The following RARB variants were observed in gnomAD, a reference collection of about 807,000 sequenced individuals.
The protein encoded by RARB is HBV-activated protein.
Under a neutral mutation model 51.9 loss-of-function variants are expected in RARB, and 17 were observed. The ratio of observed to expected loss-of-function variants is 0.33; its 90% CI spans 0.22 to 0.49. RARB has a LOEUF of 0.49. Among genes scored for constraint, RARB ranks in the 20% least tolerant of loss-of-function variants. The pLI is 0.99. For missense variants in RARB, 369 were observed against 550.8 expected (o/e 0.67, Z 3.30); for synonymous variants, 215 against 195.4 (o/e 1.10, Z -0.84).
intron 4 of RARB, among the ~76,000 whole-genome samples, chr3:25,575,183 A>G (rs1387890862): frequency 2.0e-5 from 3 of 152,156 alleles, no homozygotes; most frequent in Admixed American, 2.0e-4. Flanking sequence ...AGTAGGGTTC[A>G]TGTTCCTATG....
At chr3:25,191,933 G>A (rs1701113946) in intron 5 of RARB, among the ~76,000 whole-genome samples, 1 of 152,112 alleles carries the variant, frequency 6.6e-6, no homozygotes, top group African/African-American at 2.4e-5. Context: ...AGACGAGGCG[G>A]GGGTGTGGAG....
chr3:25,271,468 A>C (rs1207299483), intron 5 of RARB, among the ~76,000 whole-genome samples: 2 of 152,202 alleles, frequency 1.3e-5, no homozygotes, highest in Non-Finnish European at 2.9e-5. Context: ...CCTTGGCCAA[A>C]GGCATCTACA....
rs1242202691 is a variant in RARB, at chr3:25,428,415, GT to G, written c.-316del. 2.1e-5 allele frequency: 27 copies of G among 1,273,434 alleles called. No individual in the cohort carries two copies. The highest frequency in any genetic ancestry group is 2.6e-5 in the Non-Finnish European group (26 of 1,011,990). The allele number at this position is 1,273,434 out of a possible 1,614,324, so 78.9% of individuals were successfully genotyped here. A position where few individuals can be genotyped will look rare whatever the true frequency, so the allele number is the denominator to read the frequency against. On this transcript the variant is annotated 5_prime_UTR_variant, in exon 1 of 8. It removes the in-frame stop codon of an upstream open reading frame in the 5' UTR. Coordinates refer to ENST00000330688, the MANE Select transcript of RARB (RefSeq NM_000965.5). Reference sequence around the variant, plus strand: ...CAGGGTTTGTCTGGGCACCGTCGGGGTAGGATCCGGAACGCATTCGGAAGGC... The same window carrying G: ...CAGGGTTTGTCTGGGCACCGTCGGGGAGGATCCGGAACGCATTCGGAAGGC...
chr3:25,072,574 A>G (rs1698789183), intron 3 of RARB, among the ~76,000 whole-genome samples: 1 of 152,212 alleles, frequency 6.6e-6, no homozygotes, highest in African/African-American at 2.4e-5. Context: ...GGGTTTTCAG[A>G]TACAAAGAAT....
chr3:25,585,633 C>T (rs545331629), intron 5 of RARB, among the ~76,000 whole-genome samples: 6 of 152,300 alleles, frequency 3.9e-5, no homozygotes, highest in African/African-American at 7.2e-5. Flanking sequence ...CACAGTGATG[C>T]GTGGGTGGTG....
intron 4 of RARB, among the ~76,000 whole-genome samples, chr3:25,160,827 G>A (rs1700462090): frequency 6.6e-6 from 1 of 152,068 alleles, no homozygotes; most frequent in African/African-American, 2.4e-5. Context: ...TCAGCTTCTA[G>A]TGGCTTCCCC....
chr3:24,958,146 A>G (rs1376773357), intron 2 of RARB, among the ~76,000 whole-genome samples: 2 of 149,484 alleles, frequency 1.3e-5, no homozygotes, highest in Non-Finnish European at 3.0e-5. Context: ...GCAGCTTTTG[A>G]TAGTTAGATT....
intron 5 of RARB, among the ~76,000 whole-genome samples, chr3:25,205,898 C>G (rs1701531368): frequency 6.6e-6 from 1 of 152,104 alleles, no homozygotes; most frequent in Non-Finnish European, 1.5e-5. Flanking sequence ...CATGAGCCAT[C>G]ATGCCCAGCT....
intron 1 of RARB, among the ~76,000 whole-genome samples, chr3:24,840,883 G>A (rs1015311681): frequency 1.3e-5 from 2 of 151,760 alleles, no homozygotes; most frequent in South Asian, 2.1e-4. Context: ...AGATGTAGGG[G>A]CTAAAAACAA....
Position 25,544,761 on chromosome 3 carries a change from C to T in RARB, c.449-24997C>T, listed in dbSNP as rs556409665. Among the ~76,000 whole-genome samples the T allele has an allele frequency of 6.8e-4, 104 of 152,290 alleles. 1 individual carries two copies. The highest frequency in any genetic ancestry group is 2.9e-3 in the Admixed American group (44 of 15,294). The stretch of plus-strand genomic sequence containing the variant: ...TGCTACCTTCCCTGAGCACTTTCAA[C>T]GGACTTTCTTTTTGCCTTCCCTCTT... On this transcript the variant is annotated intron_variant, in intron 3 of 7. Coordinates refer to ENST00000330688, the MANE Select transcript of RARB (RefSeq NM_000965.5).
intron 2 of RARB, among the ~76,000 whole-genome samples, chr3:24,865,531 C>T (rs73135503): frequency 0.014 from 2,153 of 152,228 alleles, 28 homozygotes; most frequent in African/African-American, 0.048. Context: ...AATCAGAATT[C>T]GAACCCAAGC....
At chr3:25,165,419 G>T (rs1474655653) in intron 4 of RARB, among the ~76,000 whole-genome samples, 1 of 152,042 alleles carries the variant, frequency 6.6e-6, no homozygotes, top group African/African-American at 2.4e-5. Flanking sequence ...ACTCTGATAG[G>T]ATAGATGGGT....
chr3:24,938,925 C>G (rs745942043), intron 2 of RARB, among the ~76,000 whole-genome samples: 13 of 151,864 alleles, frequency 8.6e-5, no homozygotes, highest in Non-Finnish European at 1.9e-4. Flanking sequence ...GAATAATATG[C>G]CATTTTTCAC....
chr3:25,536,079 C>T (rs1307692451), intron 3 of RARB, among the ~76,000 whole-genome samples: 4 of 152,116 alleles, frequency 2.6e-5, no homozygotes, highest in African/African-American at 9.7e-5. Context: ...TCTCACCTAC[C>T]CACTATACTA....
intron 5 of RARB, among the ~76,000 whole-genome samples, chr3:25,356,327 G>T (rs1705733230): frequency 6.6e-6 from 1 of 152,088 alleles, no homozygotes; most frequent in African/African-American, 2.4e-5. Flanking sequence ...GGAAAAAAAG[G>T]TTTAAACGTT....
At position 25,310,861 on chromosome 3, in the gene RARB, G is replaced by A. The variant is rs541408169; in HGVS notation, c.178+136286G>A. Among the ~76,000 whole-genome samples, 14 of 152,240 alleles carry A rather than the reference G, an allele frequency of 9.2e-5. No homozygotes were observed. In the South Asian group the frequency reaches 1.5e-3, roughly 16 times the overall value. On this transcript the variant is annotated intron_variant, in intron 5 of 11. Coordinates refer to the RARB transcript ENST00000383772. ...TTTACTCTGAAGCACTTAGGTTCTC[G>A]AAGCCATGAGATATAGCCAGAATTT...
intron 5 of RARB, among the ~76,000 whole-genome samples, chr3:25,421,978 G>A (rs1707876657): frequency 6.6e-6 from 1 of 152,134 alleles, no homozygotes; most frequent in Admixed American, 6.5e-5. Context: ...TGCAATGATG[G>A]AAACATTCTA....
chr3:25,365,800 A>T (rs1438881127), intron 5 of RARB, among the ~76,000 whole-genome samples: 1 of 152,160 alleles, frequency 6.6e-6, no homozygotes, highest in African/African-American at 2.4e-5. Flanking sequence ...CTAACTTGTT[A>T]TGGGGGCAGC....
At chr3:25,416,342 T>C (rs1488881765) in intron 5 of RARB, among the ~76,000 whole-genome samples, 2 of 152,176 alleles carry the variant, frequency 1.3e-5, no homozygotes, top group Non-Finnish European at 2.9e-5. Flanking sequence ...AGAGCCAAGA[T>C]TGCACCACTG....
Sources: gnomAD v4.1 joint callset for allele counts (sites outside exome capture counted in the v4.1 genomes callset) on GRCh38, gnomAD v4.1.1 for gene constraint, MANE v1.5 for transcripts, NCBI Gene and HGNC (gene_info 2026-07-23, HGNC 2026-07-21) for gene names.